The following ERC2 variants were observed in gnomAD, a reference collection of about 807,000 sequenced individuals.
The protein encoded by ERC2 is ELKS/RAB6-interacting/CAST family member 2.
Under a neutral mutation model 114.8 loss-of-function variants are expected in ERC2, and 42 were observed. That is an observed-to-expected ratio of 0.37 (90% CI 0.29 to 0.47). The LOEUF is 0.47. ERC2 is among the 20% of genes least tolerant of loss of function. ERC2 has a pLI of 0.99. For synonymous variants in ERC2, 454 were observed against 425.5 expected (o/e 1.07, Z -0.82); for missense variants, 939 against 1,150.7 (o/e 0.82, Z 2.66).
intron 3 of ERC2, among the ~76,000 whole-genome samples, chr3:56,232,267 C>T (rs2050676338): frequency 6.6e-6 from 1 of 151,250 alleles, no homozygotes; most frequent in Non-Finnish European, 1.5e-5. Flanking sequence ...CCATGCCTGG[C>T]CTATATTTTG....
intron 14 of ERC2, among the ~76,000 whole-genome samples, chr3:55,887,896 T>A (rs756612404): frequency 1.6e-4 from 24 of 152,248 alleles, no homozygotes; most frequent in Admixed American, 2.6e-4. Flanking sequence ...AAATCAAAGT[T>A]TCACTTTCTG....
At chr3:56,144,987 GA>G (rs2081063430) in intron 5 of ERC2, among the ~76,000 whole-genome samples, 1 of 152,132 alleles carries the variant, frequency 6.6e-6, no homozygotes, top group Non-Finnish European at 1.5e-5. Context: ...ACAGCCAGAA[GA>G]AAAGCCAATC....
intron 1 of ERC2, among the ~76,000 whole-genome samples, chr3:56,447,546 T>A (rs1413851519): frequency 2.0e-5 from 3 of 152,142 alleles, no homozygotes; most frequent in African/African-American, 4.8e-5. Context: ...CAAATGAAAC[T>A]GGGAGCAAGG....
intron 3 of ERC2, among the ~76,000 whole-genome samples, chr3:56,187,306 G>A (rs2083687167): frequency 6.6e-6 from 1 of 152,160 alleles, no homozygotes; most frequent in South Asian, 2.1e-4. Context: ...ACTGGAGGAT[G>A]GGTGCATCTG....
intron 7 of ERC2, among the ~76,000 whole-genome samples, chr3:56,033,922 C>A (rs568639966): frequency 6.6e-6 from 1 of 152,248 alleles, no homozygotes; most frequent in East Asian, 1.9e-4. Context: ...CAGCCTCCAC[C>A]TACAGACTAG....
intron 2 of ERC2, among the ~76,000 whole-genome samples, chr3:56,320,029 T>G (rs2057054088): frequency 6.6e-6 from 1 of 152,154 alleles, no homozygotes; most frequent in African/African-American, 2.4e-5. Context: ...CCAAAAAAGC[T>G]TATCTGAGCA....
intron 14 of ERC2, among the ~76,000 whole-genome samples, chr3:55,861,978 A>C (rs1474433643): frequency 2.0e-5 from 3 of 152,176 alleles, no homozygotes; most frequent in African/African-American, 7.2e-5. Flanking sequence ...GTTAAACATC[A>C]CTCTAATCGA....
chr3:55,682,831 C>A (rs2062124469), intron 17 of ERC2, among the ~76,000 whole-genome samples: 1 of 152,172 alleles, frequency 6.6e-6, no homozygotes, highest in Non-Finnish European at 1.5e-5. Context: ...GCAATGTTAT[C>A]AAGTTTAATA....
intron 2 of ERC2, among the ~76,000 whole-genome samples, chr3:56,323,093 C>T (rs1340911166): frequency 6.6e-6 from 1 of 152,172 alleles, no homozygotes; most frequent in Non-Finnish European, 1.5e-5. Context: ...CAGCATGAGA[C>T]TCTCACCAGG....
At chr3:55,567,516 G>A (rs753658067) in intron 17 of ERC2, among the ~76,000 whole-genome samples, 4 of 152,126 alleles carry the variant, frequency 2.6e-5, no homozygotes, top group Non-Finnish European at 4.4e-5. Context: ...TTCAAAAACT[G>A]GTCCTTCTGA....
chr3:56,275,745 A>G (rs1188704559), intron 3 of ERC2, among the ~76,000 whole-genome samples: 1 of 152,208 alleles, frequency 6.6e-6, no homozygotes, highest in Non-Finnish European at 1.5e-5. Context: ...TAGTAGCAAG[A>G]CTTTGAATCA....
chr3:56,020,258 A>G (rs1273366638), intron 7 of ERC2, among the ~76,000 whole-genome samples: 1 of 152,134 alleles, frequency 6.6e-6, no homozygotes, highest in East Asian at 1.9e-4. Context: ...TGGCCTAACA[A>G]AGATGAAATT....
At chr3:56,190,156 T>C in intron 3 of ERC2, among the ~76,000 whole-genome samples, 1 of 152,302 alleles carries the variant, frequency 6.6e-6, no homozygotes, top group East Asian at 1.9e-4. Context: ...TTTTTTCACA[T>C]CTCTGGTAAC....
At chr3:55,752,634 A>G (rs2066785751) in intron 14 of ERC2, among the ~76,000 whole-genome samples, 1 of 152,210 alleles carries the variant, frequency 6.6e-6, no homozygotes, top group Non-Finnish European at 1.5e-5. Context: ...AACTCATTTG[A>G]GCTGCACAAC....
chr3:56,272,105 CAATT>C (rs1278318650), intron 3 of ERC2, among the ~76,000 whole-genome samples: 1 of 152,110 alleles, frequency 6.6e-6, no homozygotes, highest in Admixed American at 6.6e-5. Context: ...CCAGATCTAA[CAATT>C]AACGCTCACA....
chr3:56,286,431 A>C (rs2054717110), intron 3 of ERC2, among the ~76,000 whole-genome samples: 2 of 150,814 alleles, frequency 1.3e-5, no homozygotes, highest in Admixed American at 6.6e-5. Flanking sequence ...AAAAAAAAAA[A>C]AAAAAAAAGG....
At chr3:56,021,261 T>C (rs2073693379) in intron 7 of ERC2, among the ~76,000 whole-genome samples, 2 of 152,094 alleles carry the variant, frequency 1.3e-5, no homozygotes, top group Admixed American at 1.3e-4. Context: ...ATTTTAACTT[T>C]TGTAGGGTAA....
intron 12 of ERC2, among the ~76,000 whole-genome samples, chr3:55,965,369 A>C (rs772522410): frequency 2.0e-5 from 3 of 152,258 alleles, no homozygotes; most frequent in Non-Finnish European, 2.9e-5. Flanking sequence ...AATATTATTT[A>C]ATTTTAACTA....
chr3:55,569,743 T>A (rs1263637416), intron 17 of ERC2, among the ~76,000 whole-genome samples: 2 of 152,180 alleles, frequency 1.3e-5, no homozygotes, highest in African/African-American at 4.8e-5. Flanking sequence ...CTCATCTTTT[T>A]AAAAAATTAC....
Sources: allele counts gnomAD v4.1 joint callset (sites outside exome capture counted in the v4.1 genomes callset), GRCh38; gene constraint gnomAD v4.1.1; transcripts MANE v1.5; gene names NCBI Gene and HGNC (gene_info 2026-07-23, HGNC 2026-07-21).